The following THSD7B variants were observed in gnomAD, a reference collection of about 807,000 sequenced individuals.
The protein encoded by THSD7B is thrombospondin type 1 domain containing 7B.
In THSD7B, 138 loss-of-function variants were observed where a neutral mutation model predicts 213.6. The observed-to-expected ratio is 0.65, with a 90% CI of 0.56 to 0.74. The LOEUF (loss-of-function observed/expected upper bound fraction) is 0.74. Ranked by LOEUF, THSD7B falls within the 30% of genes least tolerant of loss-of-function variation. THSD7B has a pLI of 0.00. For synonymous variants in THSD7B, 742 were observed against 687.0 expected, an observed-to-expected ratio of 1.08 and a Z score of -1.25; for missense variants, 1,931 against 1,991.5, an observed-to-expected ratio of 0.97 and a Z score of 0.58.
At chr2:137,492,754 A>T (rs985498) in intron 15 of THSD7B, among the ~76,000 whole-genome samples, 1 of 152,134 alleles carries the variant, frequency 6.6e-6, no homozygotes, top group Non-Finnish European at 1.5e-5. Flanking sequence ...ATAAATTAGC[A>T]CGTTAATAAA....
At chr2:137,038,101 AT>A (rs2104858871) in intron 2 of THSD7B, among the ~76,000 whole-genome samples, 1 of 152,224 alleles carries the variant, frequency 6.6e-6, no homozygotes, top group South Asian at 2.1e-4. Flanking sequence ...CTTATTATGC[AT>A]TTTGGGCCCA....
At chr2:136,806,103 C>A (rs1368786432) in intron 1 of THSD7B, among the ~76,000 whole-genome samples, 1 of 152,204 alleles carries the variant, frequency 6.6e-6, no homozygotes, top group African/African-American at 2.4e-5. Context: ...TATAACTTGG[C>A]CACAGCATTG....
At chr2:137,305,853 C>T (rs1025862536) in intron 12 of THSD7B, among the ~76,000 whole-genome samples, 3 of 152,096 alleles carry the variant, frequency 2.0e-5, no homozygotes, top group African/African-American at 4.8e-5. Flanking sequence ...GCCTACTATA[C>T]ACCTAAGGCT....
intron 12 of THSD7B, among the ~76,000 whole-genome samples, chr2:137,298,258 GGAACTTTGAACTTGAGA>G (rs1280721324): frequency 2.1e-4 from 32 of 152,180 alleles, no homozygotes; most frequent in African/African-American, 7.2e-4. Context: ...AGAGATTTGT[GGAACTTTGAACTTGAGA>G]GAGGTGATTT....
chr2:137,639,559 T>C (rs2104859760), intron 20 of THSD7B, among the ~76,000 whole-genome samples: 1 of 152,208 alleles, frequency 6.6e-6, no homozygotes, highest in South Asian at 2.1e-4. Context: ...TCGTGAATGG[T>C]AGACCCACTG....
At chr2:137,181,158 A>C (rs1180005717) in intron 7 of THSD7B, among the ~76,000 whole-genome samples, 1 of 152,224 alleles carries the variant, frequency 6.6e-6, no homozygotes, top group Non-Finnish European at 1.5e-5. Context: ...GAATTTATTC[A>C]TCAGAATGGA....
intron 16 of THSD7B, among the ~76,000 whole-genome samples, chr2:137,568,914 G>T (rs2105230749): frequency 6.6e-6 from 1 of 152,300 alleles, no homozygotes; most frequent in East Asian, 1.9e-4. Flanking sequence ...GGCCCCCAAA[G>T]ATGTCCACAT....
chr2:137,051,153 G>A (rs944336834), intron 2 of THSD7B, among the ~76,000 whole-genome samples: 1 of 152,296 alleles, frequency 6.6e-6, no homozygotes, highest in Non-Finnish European at 1.5e-5. Flanking sequence ...TTAATACTGT[G>A]TATAAAGTAA....
At chr2:137,094,098 A>G (rs981836883) in intron 3 of THSD7B, among the ~76,000 whole-genome samples, 9 of 152,214 alleles carry the variant, frequency 5.9e-5, no homozygotes, top group African/African-American at 2.2e-4. Flanking sequence ...CCTTTTTGAT[A>G]CTGTACAAAT....
At chr2:137,472,434 T>A (rs987422293) in intron 15 of THSD7B, among the ~76,000 whole-genome samples, 3 of 152,200 alleles carry the variant, frequency 2.0e-5, no homozygotes, top group Admixed American at 6.5e-5. Flanking sequence ...TTAGTGTATT[T>A]AAAATAGTTA....
At chr2:137,413,862 T>C (rs947057964) in intron 14 of THSD7B, among the ~76,000 whole-genome samples, 1 of 152,174 alleles carries the variant, frequency 6.6e-6, no homozygotes, top group Non-Finnish European at 1.5e-5. Context: ...AGGAAGCTGC[T>C]GGGAAACTCA....
At chr2:136,830,994 C>T (rs1367885288) in intron 1 of THSD7B, among the ~76,000 whole-genome samples, 1 of 152,116 alleles carries the variant, frequency 6.6e-6, no homozygotes, top group Non-Finnish European at 1.5e-5. Context: ...ATTATAAATA[C>T]ATAAAATGAT....
chr2:137,547,211 A>G (rs578092658), intron 15 of THSD7B, among the ~76,000 whole-genome samples: 7 of 152,166 alleles, frequency 4.6e-5, no homozygotes, highest in Admixed American at 3.9e-4. Flanking sequence ...TGCAAAGGTC[A>G]GGCTGTGCCA....
At chr2:137,313,586 A>G (rs879308670) in intron 12 of THSD7B, among the ~76,000 whole-genome samples, 6,287 of 146,876 alleles carry the variant, frequency 0.043, 181 homozygotes, top group East Asian at 0.08. Context: ...TAGTTGATGC[A>G]GTTTCTTCCT....
In THSD7B at chr2:137,487,374, CAAAAAAA is replaced by C. The variant is rs35759254; in HGVS notation, c.3138+36370_3138+36376del. Reference sequence around the variant, plus strand: ...TGGGCGACAGAGCGAGACTCCGTCTCAAAAAAAAAAAAAAAAAAAAAAAAAGAACTAG... The same window carrying C: ...TGGGCGACAGAGCGAGACTCCGTCTCAAAAAAAAAAAAAAAAAAGAACTAG... On this transcript the variant is annotated intron_variant, in intron 15 of 27. Coordinates refer to ENST00000409968, the MANE Select transcript of THSD7B (RefSeq NM_001316349.2). 3.6e-4 allele frequency among the ~76,000 whole-genome samples: 12 copies of C among 33,166 alleles called. No individual in the cohort carries two copies. The Admixed American group carries it at 5.1e-3, about 14-fold the overall frequency. 21.8% of individuals were successfully genotyped at this position (33,166 alleles called of 152,430 possible).
chr2:137,468,130 A>G (rs1209868928), intron 15 of THSD7B, among the ~76,000 whole-genome samples: 1 of 152,218 alleles, frequency 6.6e-6, no homozygotes, highest in Non-Finnish European at 1.5e-5. Context: ...ACCTTTTAGT[A>G]ATGCTTGTAA....
At chr2:137,413,027 T>C (rs1168697658) in intron 14 of THSD7B, among the ~76,000 whole-genome samples, 1 of 152,144 alleles carries the variant, frequency 6.6e-6, no homozygotes, top group South Asian at 2.1e-4. Context: ...AATTCAATTA[T>C]AATGTACAAG....
chr2:137,335,267 C>T (rs1442992555), intron 12 of THSD7B, among the ~76,000 whole-genome samples: 4 of 152,096 alleles, frequency 2.6e-5, no homozygotes, highest in Non-Finnish European at 5.9e-5. Flanking sequence ...CCAAGAATTG[C>T]TTAGTGTTGG....
At chr2:137,405,517 T>G in intron 12 of THSD7B, 96 bp from the exon 13 acceptor site, 1 of 1,229,782 alleles carries the variant, frequency 8.1e-7, no homozygotes, top group South Asian at 1.6e-5. Context: ...GAAGCCCAAG[T>G]TTTTAAACAT....
Sources: allele counts gnomAD v4.1 joint callset (sites outside exome capture counted in the v4.1 genomes callset), GRCh38; gene constraint gnomAD v4.1.1; transcripts MANE v1.5; gene names NCBI Gene and HGNC (gene_info 2026-07-23, HGNC 2026-07-21).